The following SNX29 variants were observed in gnomAD, a reference collection of about 807,000 sequenced individuals.
The protein encoded by SNX29 is sorting nexin-29.
Under a neutral mutation model 102.1 loss-of-function variants are expected in SNX29, and 78 were observed. That is an observed-to-expected ratio of 0.76 (90% CI 0.64 to 0.92). The LOEUF (loss-of-function observed/expected upper bound fraction) is 0.92. Among genes scored for constraint, SNX29 ranks in the 40% least tolerant of loss-of-function variants. The probability of loss-of-function intolerance (pLI) is 0.00; values close to 1 mark genes in which losing one functional copy is unlikely to be tolerated. For missense variants in SNX29, 1,280 were observed against 1,061.7 expected, an observed-to-expected ratio of 1.21 and a Z score of -2.86; for synonymous variants, 580 against 414.5, an observed-to-expected ratio of 1.40 and a Z score of -4.85.
At chr16:12,364,600 G>T (rs1463613425) in intron 16 of SNX29, among the ~76,000 whole-genome samples, 1 of 152,170 alleles carries the variant, frequency 6.6e-6, no homozygotes, top group Non-Finnish European at 1.5e-5. Context: ...AAGACTGCAA[G>T]TTATAGAGGT....
intron 20 of SNX29, among the ~76,000 whole-genome samples, chr16:12,553,996 TG>T (rs1278154617): frequency 6.6e-6 from 1 of 152,114 alleles, no homozygotes; most frequent in African/African-American, 2.4e-5. Flanking sequence ...GGCTAATTTT[TG>T]TATTTTTAGT....
chr16:11,987,320 T>C (rs1263715773), intron 1 of SNX29, among the ~76,000 whole-genome samples: 1 of 151,920 alleles, frequency 6.6e-6, no homozygotes, highest in East Asian at 1.9e-4. Context: ...CCCTCCCACC[T>C]TGGTGTCCCA....
chr16:12,340,517 C>T (rs1377301022), intron 15 of SNX29, among the ~76,000 whole-genome samples: 1 of 152,156 alleles, frequency 6.6e-6, no homozygotes, highest in Non-Finnish European at 1.5e-5. Flanking sequence ...ATGGGAAGAG[C>T]ATGGTTTTGC....
intron 4 of SNX29, chr16:12,038,832 G>C (rs1358391395): frequency 6.6e-6 from 1 of 152,238 alleles, no homozygotes; most frequent in Non-Finnish European, 1.5e-5. Flanking sequence ...ACCGACAATG[G>C]TCTGGGGTAT....
intron 13 of SNX29, among the ~76,000 whole-genome samples, chr16:12,175,170 C>T (rs1014054036): frequency 2.0e-5 from 3 of 152,136 alleles, no homozygotes; most frequent in Admixed American, 6.5e-5. Context: ...TTATAAACTT[C>T]CTCTATTATA....
intron 14 of SNX29, among the ~76,000 whole-genome samples, chr16:12,232,364 T>G (rs982153380): frequency 6.6e-6 from 1 of 152,138 alleles, no homozygotes; most frequent in Non-Finnish European, 1.5e-5. Context: ...CCGTCTCTAC[T>G]AAAAATACAA....
chr16:12,248,329 G>T (rs1163179968), intron 14 of SNX29, among the ~76,000 whole-genome samples: 2 of 151,350 alleles, frequency 1.3e-5, no homozygotes, highest in Non-Finnish European at 2.9e-5. Flanking sequence ...TGCTTCCCCT[G>T]TTTCCTGGAG....
intron 15 of SNX29, among the ~76,000 whole-genome samples, chr16:12,304,330 T>C (rs1567417471): frequency 2.0e-5 from 3 of 152,218 alleles, no homozygotes; most frequent in Non-Finnish European, 4.4e-5. Context: ...TGGAGCGCAA[T>C]GGCGAGATCT....
Position 12,118,706 on chromosome 16 carries a change from T to TTACTGCTC in SNX29, c.1403-7926_1403-7919dup, listed in dbSNP as rs2053846340. 2.0e-5 allele frequency among the ~76,000 whole-genome samples: 3 copies of TTACTGCTC among 152,242 alleles called. No homozygotes were observed. The South Asian group carries it at 6.2e-4, about 32-fold the overall frequency. On this transcript the variant is annotated intron_variant, in intron 11 of 20. Coordinates refer to ENST00000566228, the MANE Select transcript of SNX29 (RefSeq NM_032167.5). ...GAGACACCCTCGACCCTCACCTGAGTTACTGCTCCTAATAAATTCACGCAT... is the reference window on the plus strand; with the variant it reads ...GAGACACCCTCGACCCTCACCTGAGTTACTGCTCTACTGCTCCTAATAAATTCACGCAT...
At chr16:12,526,327 C>G (rs544844281) in intron 20 of SNX29, among the ~76,000 whole-genome samples, 17 of 152,062 alleles carry the variant, frequency 1.1e-4, no homozygotes, top group Non-Finnish European at 2.1e-4. Context: ...GTGTGCCCAG[C>G]GGTACCATCC....
At chr16:12,225,252 A>C (rs2077579178) in intron 14 of SNX29, among the ~76,000 whole-genome samples, 1 of 152,116 alleles carries the variant, frequency 6.6e-6, no homozygotes, top group Admixed American at 6.5e-5. Flanking sequence ...ACTTGGCTCT[A>C]GGTGTATCAT....
At chr16:12,013,986 C>T (rs1046321187) in intron 3 of SNX29, among the ~76,000 whole-genome samples, 5 of 151,712 alleles carry the variant, frequency 3.3e-5, no homozygotes, top group East Asian at 1.9e-4. Flanking sequence ...TTTTTAAAGA[C>T]GGGTCTTGTT....
chr16:12,390,853 C>T (rs1015632262), intron 16 of SNX29, among the ~76,000 whole-genome samples: 3 of 150,360 alleles, frequency 2.0e-5, no homozygotes, highest in Non-Finnish European at 4.4e-5. Context: ...AGCTCAGGCC[C>T]AGCTGACTCA....
chr16:12,135,619 G>C (rs1433839358), intron 13 of SNX29: 2 of 1,345,512 alleles, frequency 1.5e-6, no homozygotes, highest in Non-Finnish European at 2.0e-6. Flanking sequence ...AATGGAGGGA[G>C]AGAGAAATCA....
chr16:12,026,015 TG>T (rs1232253104), intron 3 of SNX29, among the ~76,000 whole-genome samples: 1 of 152,208 alleles, frequency 6.6e-6, no homozygotes, highest in Admixed American at 6.5e-5. Flanking sequence ...AGTAAAATAA[TG>T]GGTATGAAAA....
intron 18 of SNX29, among the ~76,000 whole-genome samples, chr16:12,464,704 C>T (rs1401191760): frequency 1.3e-5 from 2 of 152,220 alleles, no homozygotes; most frequent in Non-Finnish European, 1.5e-5. Flanking sequence ...ATCCTCCCAC[C>T]TCAGCCTCCG....
intron 15 of SNX29, among the ~76,000 whole-genome samples, chr16:12,307,311 A>C (rs1300844725): frequency 1.3e-5 from 2 of 151,952 alleles, no homozygotes; most frequent in Non-Finnish European, 2.9e-5. Context: ...TGGCCGAGGG[A>C]GGTTGTGGGA....
chr16:12,063,491 C>T (rs1342249129), intron 9 of SNX29, among the ~76,000 whole-genome samples: 2 of 150,494 alleles, frequency 1.3e-5, no homozygotes, highest in East Asian at 2.0e-4. Context: ...TCTCCTGCCT[C>T]AGCTTCCAGA....
chr16:12,104,472 CTT>C (rs1418502313), intron 11 of SNX29, among the ~76,000 whole-genome samples: 1 of 152,098 alleles, frequency 6.6e-6, no homozygotes, highest in African/African-American at 2.4e-5. Context: ...AGGAGAATCT[CTT>C]GAACCCGGGA....
Sources: allele counts gnomAD v4.1 joint callset (sites outside exome capture counted in the v4.1 genomes callset), GRCh38; gene constraint gnomAD v4.1.1; transcripts MANE v1.5; gene names NCBI Gene and HGNC (gene_info 2026-07-23, HGNC 2026-07-21).